Variants in TBC1D5 observed in about 807,000 individuals in gnomAD.
TBC1D5 encodes TBC1 domain family member 5, also known as TBC1 domain family, member 5.
A neutral mutation model predicts 100.3 loss-of-function variants in TBC1D5; 75 were observed. The observed-to-expected ratio is 0.75, with a 90% CI of 0.62 to 0.91. The LOEUF (loss-of-function observed/expected upper bound fraction) is 0.91. Ranked by LOEUF, TBC1D5 falls within the 40% of genes least tolerant of loss-of-function variation. The pLI, the probability that TBC1D5 is intolerant of heterozygous loss-of-function variation, is 0.00. For missense variants in TBC1D5, 910 were observed against 942.4 expected, an observed-to-expected ratio of 0.97 and a Z score of 0.45; for synonymous variants, 323 against 325.6, an observed-to-expected ratio of 0.99 and a Z score of 0.09.
intron 1 of TBC1D5, among the ~76,000 whole-genome samples, chr3:17,671,969 TATTTC>T (rs1395885025): frequency 1.3e-5 from 2 of 152,246 alleles, no homozygotes; most frequent in Non-Finnish European, 2.9e-5. Context: ...GCTTCTTTTT[TATTTC>T]AAGAAGAAAT....
At chr3:17,404,553 C>A (rs1254198134) in intron 7 of TBC1D5, 141 bp downstream of exon 7, 2 of 666,276 alleles carry the variant, frequency 3.0e-6, no homozygotes, top group Admixed American at 2.8e-5. Context: ...TCATTTCTAC[C>A]AGGTTTTAGG....
At chr3:17,731,381 G>A (rs1179261954) in intron 1 of TBC1D5, among the ~76,000 whole-genome samples, 1 of 151,894 alleles carries the variant, frequency 6.6e-6, no homozygotes, top group African/African-American at 2.4e-5. Context: ...CACGCCTATA[G>A]TCCCAGCTAC....
chr3:17,208,537 AC>A (rs954157721), intron 18 of TBC1D5, among the ~76,000 whole-genome samples: 4 of 152,260 alleles, frequency 2.6e-5, no homozygotes, highest in African/African-American at 9.6e-5. Flanking sequence ...TAAAACTATT[AC>A]TTGGAAAACC....
chr3:17,200,852 A>G (rs904044084), intron 18 of TBC1D5, among the ~76,000 whole-genome samples: 23 of 152,342 alleles, frequency 1.5e-4, no homozygotes, highest in African/African-American at 5.5e-4. Context: ...GGTCAATCTT[A>G]TTCAAGCCAA....
At chr3:17,622,225 C>T (rs939577798) in intron 2 of TBC1D5, among the ~76,000 whole-genome samples, 2 of 152,136 alleles carry the variant, frequency 1.3e-5, no homozygotes, top group African/African-American at 4.8e-5. Flanking sequence ...TTTGCACACC[C>T]ATGAGAATCT....
chr3:17,480,374 G>C (rs1030965765), intron 3 of TBC1D5, among the ~76,000 whole-genome samples: 3 of 152,202 alleles, frequency 2.0e-5, no homozygotes, highest in African/African-American at 7.2e-5. Context: ...TGAAGCATGG[G>C]GGCCAGGCTG....
At chr3:17,326,610 C>T (rs1003582847) in intron 13 of TBC1D5, among the ~76,000 whole-genome samples, 1 of 152,098 alleles carries the variant, frequency 6.6e-6, no homozygotes, top group Non-Finnish European at 1.5e-5. Flanking sequence ...GTAGCTGAGA[C>T]CACAGGTATT....
intron 1 of TBC1D5, among the ~76,000 whole-genome samples, chr3:17,664,076 G>A (rs557117230): frequency 2.6e-4 from 40 of 152,002 alleles, no homozygotes; most frequent in Admixed American, 4.6e-4. Context: ...TTGTTTGTTT[G>A]TTTGTTTTCC....
rs529004138 is a variant in TBC1D5 at position 17,158,368 on chromosome 3, A to G, written c.*2595T>C. 2.6e-5 allele frequency: 4 copies of G among 152,366 alleles called. No homozygotes were observed. The South Asian group carries it at 8.3e-4, about 32-fold the overall frequency. 9.4% of individuals were successfully genotyped at this position (152,366 alleles called of 1,614,324 possible). A position where few individuals can be genotyped will look rare whatever the true frequency, so the allele number is the denominator to read the frequency against. On this transcript the variant is annotated 3_prime_UTR_variant, in exon 22 of 22. Transcript: ENST00000253692. ...AAAACACAATATATTCAGGATTTAA[A>G]AAATGTACAATTAAACATAAGTATC... is the stretch of plus-strand genomic sequence containing the variant.
intron 3 of TBC1D5, among the ~76,000 whole-genome samples, chr3:17,475,325 C>CTG (rs1388444243): frequency 6.6e-6 from 1 of 151,924 alleles, no homozygotes; most frequent in Non-Finnish European, 1.5e-5. Context: ...ACATCTCAGA[C>CTG]GTCACCATAC....
intron 8 of TBC1D5, among the ~76,000 whole-genome samples, chr3:17,401,732 T>C (rs2152419150): frequency 6.6e-6 from 1 of 152,258 alleles, no homozygotes; most frequent in South Asian, 2.1e-4. Context: ...CAATCTGAAG[T>C]TGGCAAGTTT....
chr3:17,508,731 G>GAAA, intron 2 of TBC1D5, 126 bp from the exon 3 acceptor site: 1 of 438,514 alleles, frequency 2.3e-6, no homozygotes, highest in Non-Finnish European at 4.2e-6. Flanking sequence ...AGGCTCCAGG[G>GAAA]ACTGTTATCT....
intron 13 of TBC1D5, among the ~76,000 whole-genome samples, chr3:17,352,305 A>C (rs1355282909): frequency 2.6e-5 from 4 of 152,074 alleles, no homozygotes; most frequent in Non-Finnish European, 5.9e-5. Context: ...TTCTGCAAAT[A>C]AAAAATACCT....
intron 4 of TBC1D5, among the ~76,000 whole-genome samples, chr3:17,414,999 G>A (rs1462595469): frequency 6.6e-6 from 1 of 152,104 alleles, no homozygotes; most frequent in East Asian, 1.9e-4. Flanking sequence ...TCATTGCCTA[G>A]AGGTTTGTTA....
intron 13 of TBC1D5, among the ~76,000 whole-genome samples, chr3:17,359,819 A>T (rs142747704): frequency 1.1e-4 from 17 of 152,108 alleles, no homozygotes; most frequent in Non-Finnish European, 1.8e-4. Flanking sequence ...CTAGATATTC[A>T]ATTTGCCTCT....
chr3:17,699,294 CA>C (rs2072731848), intron 1 of TBC1D5, among the ~76,000 whole-genome samples: 1 of 124,616 alleles, frequency 8.0e-6, no homozygotes, highest in Non-Finnish European at 1.7e-5. Flanking sequence ...ATCGCAAGAA[CA>C]AAAAACCAAA....
chr3:17,456,951 T>C (rs542426350), intron 3 of TBC1D5, among the ~76,000 whole-genome samples: 3 of 152,256 alleles, frequency 2.0e-5, no homozygotes, highest in African/African-American at 7.2e-5. Context: ...TTTACAGTTA[T>C]AAGACAAAAA....
chr3:17,383,947 T>C (rs1214433887), exon 9 of TBC1D5: 1 of 1,602,686 alleles, frequency 6.2e-7, no homozygotes, highest in African/African-American at 1.3e-5. Context: ...TTCTCTGGCA[T>C]AACAGAAAAG....
chr3:17,238,094 C>T (rs2149030754), intron 17 of TBC1D5, 69 bp downstream of exon 17: 1 of 1,537,084 alleles, frequency 6.5e-7, no homozygotes, highest in African/African-American at 1.4e-5. Flanking sequence ...TGGTTCCTCA[C>T]AGGCAGGTGA....
Sources: gnomAD v4.1 joint callset for allele counts (sites outside exome capture counted in the v4.1 genomes callset) on GRCh38, gnomAD v4.1.1 for gene constraint, MANE v1.5 for transcripts, NCBI Gene and HGNC (gene_info 2026-07-23, HGNC 2026-07-21) for gene names.